MYO9B: variants seen among roughly 807,000 people sequenced by gnomAD.
The protein encoded by MYO9B is myosin IXB, also known as unconventional myosin-IXb.
Under a neutral mutation model 229.5 loss-of-function variants are expected in MYO9B, and 71 were observed. The ratio of observed to expected loss-of-function variants is 0.31; its 90% CI spans 0.26 to 0.38. MYO9B has a LOEUF of 0.38. MYO9B is among the 10% of genes least tolerant of loss of function. The probability of loss-of-function intolerance (pLI) is 1.00; values close to 1 mark genes in which losing one functional copy is unlikely to be tolerated. For missense variants in MYO9B, 2,255 were observed against 2,920.5 expected (o/e 0.77, Z 5.25); for synonymous variants, 1,185 against 1,235.8 (o/e 0.96, Z 0.86).
chr19:17,094,431 C>T (rs62127861), intron 1 of MYO9B, among the ~76,000 whole-genome samples: 21,249 of 152,160 alleles, frequency 0.14, 1,795 homozygotes, highest in Non-Finnish European at 0.2. Context: ...CCCACCACCA[C>T]GACCAATGCC....
At position 17,183,881 on chromosome 19, in the gene MYO9B, AC is replaced by A; in HGVS notation, c.2373+14del. 1.9e-6 allele frequency: 3 copies of A among 1,560,742 alleles called. No homozygotes were observed. The highest frequency in any genetic ancestry group is 1.4e-5 in the African/African-American group (1 of 73,338). On this transcript the variant is annotated intron_variant, in intron 16 of 39. Transcript: ENST00000682292. The stretch of plus-strand genomic sequence containing the variant: ...GATCATTCCAAAGGTAAAAAAAAAA[AC>A]ACACCCCGCGCGACACGTTCCAAGA...
intron 3 of MYO9B, among the ~76,000 whole-genome samples, chr19:17,147,183 G>A (rs1380921213): frequency 6.6e-6 from 1 of 152,204 alleles, no homozygotes; most frequent in African/African-American, 2.4e-5. Context: ...TGTCCCACCT[G>A]TCTTCCAGGC....
intron 13 of MYO9B, among the ~76,000 whole-genome samples, chr19:17,173,173 A>G (rs1344189782): frequency 6.6e-6 from 1 of 152,062 alleles, no homozygotes; most frequent in Non-Finnish European, 1.5e-5. Context: ...CAGCAACTCC[A>G]TCAGGCGTCT....
chr19:17,209,476 G>C, intron 35 of MYO9B, 110 bp from the exon 36 acceptor site: 5 of 1,208,464 alleles, frequency 4.1e-6, no homozygotes, highest in South Asian at 1.5e-5. Flanking sequence ...GCACTGCTTG[G>C]TCTCTGAGCC....
chr19:17,102,408 G>T lies in MYO9B; in HGVS notation c.691G>T (p.Val231Leu), dbSNP rs376402468. Residue 231 changes from valine to leucine, a missense_variant, in exon 2 of 40, where the codon GTG (valine) becomes TTG (leucine). Physicochemically the swap from Val to Leu is conservative, Grantham distance 32. Transcript: ENST00000682292. ...CTACTACACCATGCTCAGGAAGCGCGTGAACCAGTGCATCGTGATCTCGGG... is the reference window on the plus strand; with the variant it reads ...CTACTACACCATGCTCAGGAAGCGCTTGAACCAGTGCATCGTGATCTCGGG... Reference protein sequence around the residue: ...VAYYTMLRKRVNQCIVISGES... With the variant: ...VAYYTMLRKRLNQCIVISGES... The T allele has an allele frequency of 1.2e-6, 2 of 1,613,978 alleles. No individual in the cohort carries two copies. The highest frequency in any genetic ancestry group is 2.2e-5 in the South Asian group (2 of 91,082).
Position 17,155,195 on chromosome 19 carries a change from AT to A in MYO9B, c.1199+791del, listed in dbSNP as rs894826232. ...ATGCTTATGTTACTACAATTTAATT[AT>A]TTTTTTTTTTAGATGGGGTCTCGCT... is the stretch of plus-strand genomic sequence containing the variant. On this transcript the variant is annotated intron_variant, in intron 6 of 39. Coordinates refer to ENST00000682292, the MANE Select transcript of MYO9B (RefSeq NM_004145.4). Among the ~76,000 whole-genome samples, 802 of 147,332 alleles carry A rather than the reference AT, an allele frequency of 5.4e-3. 3 individuals carry two copies. The highest frequency in any genetic ancestry group is 0.018 in the African/African-American group (726 of 40,390).
chr19:17,079,198 C>T (rs1380441534), intron 1 of MYO9B, among the ~76,000 whole-genome samples: 16 of 152,168 alleles, frequency 1.1e-4, no homozygotes, highest in Non-Finnish European at 4.4e-5. Context: ...CCCATCATTG[C>T]CTTGGTGGGT....
intron 4 of MYO9B, among the ~76,000 whole-genome samples, chr19:17,153,533 CA>C (rs34618595): frequency 0.12 from 16,467 of 140,166 alleles, 1,111 homozygotes; most frequent in African/African-American, 0.2. Context: ...CAAAAAAGAC[CA>C]AAAAAAAAAA....
At chr19:17,166,044 G>C (rs1247586483) in intron 10 of MYO9B, among the ~76,000 whole-genome samples, 1 of 151,108 alleles carries the variant, frequency 6.6e-6, no homozygotes, top group East Asian at 1.9e-4. Flanking sequence ...TTTTAAGTGT[G>C]ATTTTTTTTT....
chr19:17,150,055 G>C (rs1021018784), intron 3 of MYO9B, among the ~76,000 whole-genome samples: 6 of 152,186 alleles, frequency 3.9e-5, no homozygotes, highest in African/African-American at 7.2e-5. Flanking sequence ...GAGGACCCAG[G>C]CTGGGCCATC....
At chr19:17,117,769 C>G (rs1288005203) in intron 2 of MYO9B, among the ~76,000 whole-genome samples, 1 of 151,860 alleles carries the variant, frequency 6.6e-6, no homozygotes. Flanking sequence ...GAAACCCCAT[C>G]TCTACTAAAA....
At chr19:17,162,624 C>A (rs371408078) in intron 9 of MYO9B, among the ~76,000 whole-genome samples, 158 bp downstream of exon 9, 1 of 152,018 alleles carries the variant, frequency 6.6e-6, no homozygotes, top group Non-Finnish European at 1.5e-5. Context: ...GGACAGGCTA[C>A]GAAATTCAAC....
intron 3 of MYO9B, 167 bp from the exon 4 acceptor site, chr19:17,152,477 C>T (rs550974285): frequency 7.1e-5 from 38 of 533,304 alleles, no homozygotes; most frequent in Non-Finnish European, 1.0e-4. Context: ...GCAAGAGAAT[C>T]GCTTGAACCC....
At chr19:17,076,105 G>GC (rs1289588865) in intron 1 of MYO9B, among the ~76,000 whole-genome samples, 1 of 151,612 alleles carries the variant, frequency 6.6e-6, no homozygotes, top group Non-Finnish European at 1.5e-5. Context: ...GGGCGTGGGG[G>GC]GGGTGAGTCT....
intron 2 of MYO9B, among the ~76,000 whole-genome samples, chr19:17,132,414 T>G (rs1285177868): frequency 6.6e-6 from 1 of 150,982 alleles, no homozygotes; most frequent in Non-Finnish European, 1.5e-5. Context: ...CTTGAACCCC[T>G]GACCTCAAGT....
chr19:17,090,118 C>CTTT lies in MYO9B; in HGVS notation c.-58-11501_-58-11499dup, dbSNP rs59440394. On this transcript the variant is annotated intron_variant, in intron 1 of 39. Coordinates refer to ENST00000682292, the MANE Select transcript of MYO9B (RefSeq NM_004145.4). Reference sequence around the variant, plus strand: ...TATAGCATGAATCGGTGCTTCCTTCCTTTTTTTTTTTTTTTTTTTTTTTTT... The same window carrying CTTT: ...TATAGCATGAATCGGTGCTTCCTTCCTTTTTTTTTTTTTTTTTTTTTTTTTTTT... 2.7e-3 allele frequency among the ~76,000 whole-genome samples: 133 copies of CTTT among 49,236 alleles called. 41 individuals carry two copies. Among genetic ancestry groups the CTTT allele is most frequent in the East Asian group, 5.6e-3 (9 of 1,606 alleles). The allele number at this position is 49,236 out of a possible 152,430, so 32.3% of individuals were successfully genotyped here. A position where few individuals can be genotyped will look rare whatever the true frequency, so the allele number is the denominator to read the frequency against.
chr19:17,125,790 C>T (rs2145147758), intron 2 of MYO9B, among the ~76,000 whole-genome samples: 1 of 152,298 alleles, frequency 6.6e-6, no homozygotes, highest in Admixed American at 6.5e-5. Context: ...GCCGGGGTGC[C>T]CCAAACCCCT....
chr19:17,129,127 G>A (rs1362248753), intron 2 of MYO9B, among the ~76,000 whole-genome samples: 2 of 152,034 alleles, frequency 1.3e-5, no homozygotes, highest in African/African-American at 2.4e-5. Flanking sequence ...GACCGGGCAT[G>A]GTGGCTCACA....
chr19:17,169,465 A>G (rs1184801259), intron 11 of MYO9B, among the ~76,000 whole-genome samples: 1 of 152,046 alleles, frequency 6.6e-6, no homozygotes, highest in South Asian at 2.1e-4. Context: ...CTAAAAATGC[A>G]AAAATTAGCC....
Sources: allele counts gnomAD v4.1 joint callset (sites outside exome capture counted in the v4.1 genomes callset), GRCh38; gene constraint gnomAD v4.1.1; transcripts MANE v1.5; gene names NCBI Gene and HGNC (gene_info 2026-07-23, HGNC 2026-07-21).